The following PCDHGB6 variants were observed in gnomAD, a reference collection of about 807,000 sequenced individuals.
PCDHGB6 encodes the protein protocadherin gamma-B6.
A neutral mutation model predicts 59.1 loss-of-function variants in PCDHGB6; 51 were observed. The ratio of observed to expected loss-of-function variants is 0.86; its 90% CI spans 0.69 to 1.09. The LOEUF is 1.09. Ranked by LOEUF, PCDHGB6 falls within the 50% of genes least tolerant of loss-of-function variation. The pLI is 0.00. For missense variants in PCDHGB6, 1,148 were observed against 1,205.1 expected (o/e 0.95, Z 0.70); for synonymous variants, 466 against 495.1 (o/e 0.94, Z 0.78).
intron 2 of PCDHGB6, among the ~76,000 whole-genome samples, chr5:141,503,432 TA>T (rs1423418926): frequency 6.6e-6 from 1 of 151,668 alleles, no homozygotes; most frequent in African/African-American, 2.4e-5. Flanking sequence ...CCATCTCTAC[TA>T]AAAATACAAA....
chr5:141,430,245 G>C (rs1000418420), intron 1 of PCDHGB6, among the ~76,000 whole-genome samples: 1 of 104,402 alleles, frequency 9.6e-6, no homozygotes, highest in African/African-American at 6.4e-5. Flanking sequence ...GAAACTCCTA[G>C]GGAGACATCT....
At position 141,431,317 on chromosome 5, in the gene PCDHGB6, C is replaced by T. The variant is rs778667104; in HGVS notation, c.2418+20697C>T. ...TCTCCCTCATCGTGCAAAATGGAGC[C>T]GACGGTAGTAAGTACCCCGAATTGG... On this transcript the variant is annotated intron_variant, in intron 1 of 3. Coordinates refer to ENST00000520790, the MANE Select transcript of PCDHGB6 (RefSeq NM_018926.3). This position sits in a 1 kb window ranked among gnomAD's most constrained non-coding sequence, Gnocchi z 4.8. The T allele has an allele frequency of 6.2e-6, 10 of 1,613,964 alleles. No homozygotes were observed. The highest frequency in any genetic ancestry group is 7.6e-6 in the Non-Finnish European group (9 of 1,180,046).
At chr5:141,470,780 T>G (rs1436746772) in intron 1 of PCDHGB6, among the ~76,000 whole-genome samples, 1 of 152,194 alleles carries the variant, frequency 6.6e-6, no homozygotes, top group Non-Finnish European at 1.5e-5. Flanking sequence ...CTTGAATTCC[T>G]GGGCTCAAGC....
At chr5:141,418,769 C>A (rs1488222030) in intron 1 of PCDHGB6, 2 of 1,613,828 alleles carry the variant, frequency 1.2e-6, no homozygotes, top group East Asian at 4.5e-5. Flanking sequence ...CATTCTAACT[C>A]AGCAGCCTTT....
chr5:141,474,430 C>T (rs2099349577), intron 1 of PCDHGB6, among the ~76,000 whole-genome samples: 1 of 152,212 alleles, frequency 6.6e-6, no homozygotes, highest in African/African-American at 2.4e-5. Flanking sequence ...TTGGTCCTCA[C>T]ACTTTGAGTA....
chr5:141,453,752 T>C (rs1404363977), intron 1 of PCDHGB6, among the ~76,000 whole-genome samples: 10 of 152,364 alleles, frequency 6.6e-5, no homozygotes, highest in Admixed American at 5.9e-4. Flanking sequence ...AACATAAGTC[T>C]CCTAAAAATA....
At position 141,489,397 on chromosome 5, in the gene PCDHGB6, G is replaced by A. The variant is rs1307106048; in HGVS notation, c.2419-5410G>A. 2.5e-6 allele frequency: 4 copies of A among 1,614,058 alleles called. No homozygotes were observed. The highest frequency in any genetic ancestry group is 2.7e-5 in the African/African-American group (2 of 74,914). ...GGTGGGGAATGTTGCTCAGGATCTG[G>A]GCTTAAAGATGACAGATCTGTTGAG... On this transcript the variant is annotated intron_variant, in intron 1 of 3. Transcript: ENST00000520790. This position sits in a 1 kb window ranked among gnomAD's most constrained non-coding sequence, Gnocchi z 4.5.
chr5:141,486,832 A>G lies in PCDHGB6; in HGVS notation c.2419-7975A>G. 2.5e-6 allele frequency: 4 copies of G among 1,614,182 alleles called. No individual in the cohort carries two copies. Among genetic ancestry groups the G allele is most frequent in the South Asian group, 1.1e-5 (1 of 91,082 alleles). ...TTAGCAGCACTGTAACAGTTCGTCT[A>G]TTTGTGCTGGACCTCAATGACAATG... On this transcript the variant is annotated intron_variant, in intron 1 of 3. Transcript: ENST00000520790. The surrounding 1 kb of genome is among the most constrained non-coding windows in gnomAD (Gnocchi z 5.0).
rs377248872 is a variant in PCDHGB6 at position 141,489,231 on chromosome 5, C to T, written c.2419-5576C>T. 2 of 1,528,166 alleles carry T rather than the reference C, an allele frequency of 1.3e-6. No homozygotes were observed. The highest frequency in any genetic ancestry group is 1.4e-5 in the African/African-American group (1 of 72,140). The allele number at this position is 1,528,166 out of a possible 1,614,324, so 94.7% of individuals were successfully genotyped here. A position where few individuals can be genotyped will look rare whatever the true frequency, so the allele number is the denominator to read the frequency against. On this transcript the variant is annotated intron_variant, in intron 1 of 3. Transcript: ENST00000520790. This position sits in a 1 kb window ranked among gnomAD's most constrained non-coding sequence, Gnocchi z 4.5. ...CACAGACTTACTCTCCACAAAGGGA[C>T]TTCTGGGTCATGGGGCCCAAGACAC...
At position 141,431,413 on chromosome 5, in the gene PCDHGB6, C is replaced by A; in HGVS notation, c.2418+20793C>A. ...TGGTCCTTACGGCCTCCGACGGGGG[C>A]GACCCGGTGCGCACAGGCACCGCGC... On this transcript the variant is annotated intron_variant, in intron 1 of 3. Transcript: ENST00000520790. This position sits in a 1 kb window ranked among gnomAD's most constrained non-coding sequence, Gnocchi z 4.8. The A allele has an allele frequency of 6.2e-7, 1 of 1,613,682 alleles. No homozygotes were observed. Among genetic ancestry groups the A allele is most frequent in the Non-Finnish European group, 8.5e-7 (1 of 1,180,044 alleles).
chr5:141,415,039 G>A (rs761101620), intron 1 of PCDHGB6: 1 of 1,613,486 alleles, frequency 6.2e-7, no homozygotes, highest in South Asian at 1.1e-5. Context: ...GGGACTCTTC[G>A]CGGTGGGGGA....
chr5:141,422,616 C>T, intron 1 of PCDHGB6: 1 of 1,613,714 alleles, frequency 6.2e-7, no homozygotes. Flanking sequence ...CCTACATTCC[C>T]GAAAACAACC....
At chr5:141,459,075 G>T (rs562572838) in intron 1 of PCDHGB6, among the ~76,000 whole-genome samples, 1 of 152,134 alleles carries the variant, frequency 6.6e-6, no homozygotes, top group Non-Finnish European at 1.5e-5. Context: ...CATAAAATTT[G>T]CCTTTTAAAA....
At chr5:141,450,679 G>A (rs2098690217) in intron 1 of PCDHGB6, among the ~76,000 whole-genome samples, 2 of 151,914 alleles carry the variant, frequency 1.3e-5, no homozygotes, top group Non-Finnish European at 2.9e-5. Context: ...TAGAAACGGG[G>A]TTTTGCCATG....
intron 1 of PCDHGB6, chr5:141,414,969 G>A (rs764972439): frequency 7.4e-6 from 12 of 1,613,954 alleles, no homozygotes; most frequent in South Asian, 1.1e-5. Context: ...TGGTGGCGGT[G>A]GACAGAGACT....
At chr5:141,465,880 TG>T (rs2154569018) in intron 1 of PCDHGB6, among the ~76,000 whole-genome samples, 1 of 152,096 alleles carries the variant, frequency 6.6e-6, no homozygotes, top group East Asian at 1.9e-4. Context: ...CCCAGCACTT[TG>T]GGAGGCCGAG....
intron 1 of PCDHGB6, chr5:141,427,889 G>A: frequency 1.3e-6 from 2 of 1,566,516 alleles, no homozygotes; most frequent in Non-Finnish European, 1.7e-6. Context: ...CCCACGACCA[G>A]GGCTCGCCCG....
In PCDHGB6 at chr5:141,477,967, C is replaced by T. The variant is rs756216038; in HGVS notation, c.2419-16840C>T. Reference sequence around the variant, plus strand: ...GTCTCTTGGGATCCCCTAACCAGAGCCTTTTTGCCATAGGGCTGCACACTG... The same window carrying T: ...GTCTCTTGGGATCCCCTAACCAGAGTCTTTTTGCCATAGGGCTGCACACTG... On this transcript the variant is annotated intron_variant, in intron 1 of 3. Coordinates refer to ENST00000520790, the MANE Select transcript of PCDHGB6 (RefSeq NM_018926.3). This position sits in a 1 kb window ranked among gnomAD's most constrained non-coding sequence, Gnocchi z 4.9. The T allele has an allele frequency of 8.7e-6, 14 of 1,614,032 alleles. No individual in the cohort carries two copies. In the South Asian group the frequency reaches 1.2e-4, roughly 14 times the overall value.
At position 141,499,027 on chromosome 5, in the gene PCDHGB6, A is replaced by AG. The variant is rs1323149397; in HGVS notation, c.2477+4163dup. 7.4e-3 allele frequency among the ~76,000 whole-genome samples: 1,116 copies of AG among 149,928 alleles called. 12 individuals are homozygous for AG. Among genetic ancestry groups the AG allele is most frequent in the African/African-American group, 0.026 (1,074 of 40,604 alleles). On this transcript the variant is annotated intron_variant, in intron 2 of 3. Transcript: ENST00000520790. ...AAGGAAGGAAGGAAGGAAGGAAGGA[A>AG]GAAAAGAAAGAAAAAGGGAGAAAAA...
Sources: gnomAD v4.1 joint callset for allele counts (sites outside exome capture counted in the v4.1 genomes callset) on GRCh38, gnomAD v4.1.1 for gene constraint, Gnocchi (gnomAD v3.1) non-coding constraint, MANE v1.5 for transcripts, NCBI Gene and HGNC (gene_info 2026-07-23, HGNC 2026-07-21) for gene names.